The following GRM1 variants were observed in gnomAD, a reference collection of about 807,000 sequenced individuals.
The protein encoded by GRM1 is metabotropic glutamate receptor 1.
In GRM1, 33 loss-of-function variants were observed where a neutral mutation model predicts 90.9. The ratio of observed to expected loss-of-function variants is 0.36; its 90% CI spans 0.28 to 0.49. The LOEUF (loss-of-function observed/expected upper bound fraction) is 0.49. GRM1 is among the 20% of genes least tolerant of loss of function. The probability of loss-of-function intolerance (pLI) is 0.99; values close to 1 mark genes in which losing one functional copy is unlikely to be tolerated. For synonymous variants in GRM1, 700 were observed against 613.2 expected (o/e 1.14, Z -2.09); for missense variants, 1,190 against 1,534.3 (o/e 0.78, Z 3.75).
chr6:146,257,095 C>A (rs1397408015), intron 2 of GRM1, among the ~76,000 whole-genome samples: 1 of 152,148 alleles, frequency 6.6e-6, no homozygotes, highest in Non-Finnish European at 1.5e-5. Context: ...ATCTCTTCTG[C>A]TATCATCTTT....
chr6:146,158,094 T>C (rs1023760934), intron 1 of GRM1, among the ~76,000 whole-genome samples: 6 of 152,256 alleles, frequency 3.9e-5, no homozygotes, highest in Admixed American at 6.5e-5. Context: ...CATGTGCTGA[T>C]GAATTTTAAA....
At chr6:146,036,686 T>C (rs1790902834) in intron 1 of GRM1, among the ~76,000 whole-genome samples, 1 of 151,960 alleles carries the variant, frequency 6.6e-6, no homozygotes, top group Non-Finnish European at 1.5e-5. Context: ...TTTAGGATTA[T>C]CTATTTTATT....
At chr6:146,304,534 A>T (rs907153315) in intron 2 of GRM1, 77 bp from the exon 3 acceptor site, 6 of 983,120 alleles carry the variant, frequency 6.1e-6, no homozygotes, top group African/African-American at 1.6e-5. Flanking sequence ...GGATTGCTTC[A>T]TTCATATATA....
intron 2 of GRM1, among the ~76,000 whole-genome samples, chr6:146,190,089 T>C (rs1280601504): frequency 1.3e-5 from 2 of 152,058 alleles, no homozygotes; most frequent in African/African-American, 4.8e-5. Context: ...TGGATTCAAT[T>C]GAAGAAATGG....
chr6:146,224,798 C>T (rs1008708263), intron 2 of GRM1, among the ~76,000 whole-genome samples: 1 of 152,090 alleles, frequency 6.6e-6, no homozygotes, highest in Non-Finnish European at 1.5e-5. Flanking sequence ...CAACAACTAA[C>T]AACTACTGTT....
At chr6:146,363,349 T>C (rs1460153672) in intron 5 of GRM1, among the ~76,000 whole-genome samples, 1 of 152,168 alleles carries the variant, frequency 6.6e-6, no homozygotes, top group Non-Finnish European at 1.5e-5. Flanking sequence ...CCTCTTCCTC[T>C]GTACATTTTC....
chr6:146,121,787 G>C (rs182009665), intron 1 of GRM1, among the ~76,000 whole-genome samples: 35 of 152,318 alleles, frequency 2.3e-4, no homozygotes, highest in African/African-American at 7.7e-4. Context: ...TTGCACTGTG[G>C]TCTGAGAGAC....
intron 3 of GRM1, among the ~76,000 whole-genome samples, chr6:146,336,748 G>T (rs1363552252): frequency 1.3e-5 from 2 of 152,178 alleles, no homozygotes; most frequent in African/African-American, 4.8e-5. Context: ...CTGATTTGAT[G>T]CCAAGACACA....
chr6:146,177,460 A>G (rs1778376143), intron 2 of GRM1, among the ~76,000 whole-genome samples: 1 of 152,022 alleles, frequency 6.6e-6, no homozygotes, highest in Non-Finnish European at 1.5e-5. Flanking sequence ...TTGATTTTTT[A>G]TATAGCTTAA....
At chr6:146,378,385 A>G (rs973377025) in intron 5 of GRM1, among the ~76,000 whole-genome samples, 5 of 152,218 alleles carry the variant, frequency 3.3e-5, no homozygotes, top group Admixed American at 6.5e-5. Context: ...GTGGGGCTGT[A>G]TCTGATAAAG....
At chr6:146,371,312 T>C (rs943395625) in intron 5 of GRM1, among the ~76,000 whole-genome samples, 1 of 152,082 alleles carries the variant, frequency 6.6e-6, no homozygotes, top group Admixed American at 6.6e-5. Flanking sequence ...CAGTTCTTTT[T>C]ACTTTTTATT....
At chr6:146,247,518 G>A (rs1271423630) in intron 2 of GRM1, among the ~76,000 whole-genome samples, 1 of 152,088 alleles carries the variant, frequency 6.6e-6, no homozygotes, top group Non-Finnish European at 1.5e-5. Context: ...GGAGGCTGAG[G>A]CGAGTGGATC....
chr6:146,173,856 T>C (rs1275222705), intron 2 of GRM1, among the ~76,000 whole-genome samples: 3 of 151,822 alleles, frequency 2.0e-5, no homozygotes, highest in Non-Finnish European at 4.4e-5. Flanking sequence ...TTAGTAGAGA[T>C]GGGGTTGGCC....
chr6:146,278,928 A>G (rs1025190805), intron 2 of GRM1, among the ~76,000 whole-genome samples: 1 of 152,136 alleles, frequency 6.6e-6, no homozygotes, highest in African/African-American at 2.4e-5. Flanking sequence ...GATGGTCTCA[A>G]TCTCTTGACC....
intron 2 of GRM1, among the ~76,000 whole-genome samples, chr6:146,203,167 C>A (rs1188566406): frequency 1.3e-5 from 2 of 151,402 alleles, no homozygotes; most frequent in Admixed American, 6.6e-5. Context: ...TCACTCCAGC[C>A]TGGGGGACAG....
intron 5 of GRM1, among the ~76,000 whole-genome samples, chr6:146,367,584 G>C (rs1382826042): frequency 6.6e-6 from 1 of 152,024 alleles, no homozygotes; most frequent in Non-Finnish European, 1.5e-5. Flanking sequence ...CATAGTAGTA[G>C]TCCCCAGTGC....
intron 5 of GRM1, among the ~76,000 whole-genome samples, chr6:146,369,341 A>T (rs1775813660): frequency 6.6e-6 from 1 of 151,316 alleles, no homozygotes; most frequent in African/African-American, 2.4e-5. Flanking sequence ...GATATTTATT[A>T]TTTATTTTCT....
chr6:146,340,406 G>A (rs1784926951), intron 3 of GRM1: 1 of 152,208 alleles, frequency 6.6e-6, no homozygotes, highest in Non-Finnish European at 1.5e-5. Context: ...GTTTCTAGCT[G>A]TGTAAGAAAT....
chr6:146,284,415 A>G lies in GRM1; in HGVS notation c.951-20196A>G, dbSNP rs537049695. Among the ~76,000 whole-genome samples, 13 of 152,300 alleles carry G rather than the reference A, an allele frequency of 8.5e-5. No homozygotes were observed. The East Asian group carries it at 2.5e-3, about 29-fold the overall frequency. ...CATAATTGAATGTTCTTTGTGCTGG[A>G]TTCTAAAATTATAATGAATGCTTCA... On this transcript the variant is annotated intron_variant, in intron 2 of 7. Coordinates refer to ENST00000282753, the MANE Select transcript of GRM1 (RefSeq NM_001278064.2).
Sources: allele counts gnomAD v4.1 joint callset (sites outside exome capture counted in the v4.1 genomes callset), GRCh38; gene constraint gnomAD v4.1.1; transcripts MANE v1.5; gene names NCBI Gene and HGNC (gene_info 2026-07-23, HGNC 2026-07-21).